Variants in ACSS3 observed in about 807,000 individuals in gnomAD.
ACSS3 encodes acyl-CoA synthetase short-chain family member 3, mitochondrial.
A neutral mutation model predicts 84.2 loss-of-function variants in ACSS3; 64 were observed. The ratio of observed to expected loss-of-function variants is 0.76; its 90% CI spans 0.62 to 0.94. The LOEUF (loss-of-function observed/expected upper bound fraction) is 0.94, where lower values mean the gene tolerates loss of function less well. Ranked by LOEUF, ACSS3 falls within the 40% of genes least tolerant of loss-of-function variation. The pLI is 0.00. For missense variants in ACSS3, 815 were observed against 867.6 expected (o/e 0.94, Z 0.76); for synonymous variants, 317 against 310.1 (o/e 1.02, Z -0.23).
intron 9 of ACSS3, among the ~76,000 whole-genome samples, chr12:81,211,778 C>T (rs985009215): frequency 6.6e-6 from 1 of 152,174 alleles, no homozygotes; most frequent in Non-Finnish European, 1.5e-5. Flanking sequence ...CAGAAGCCCT[C>T]ATTAGCTTAC....
chr12:81,149,735 T>C (rs1295036391), intron 5 of ACSS3, among the ~76,000 whole-genome samples: 1 of 152,208 alleles, frequency 6.6e-6, no homozygotes, highest in Non-Finnish European at 1.5e-5. Flanking sequence ...TCATTTTAAT[T>C]GTTTTAAATG....
At chr12:81,186,162 A>C (rs888214332) in intron 8 of ACSS3, among the ~76,000 whole-genome samples, 2 of 151,812 alleles carry the variant, frequency 1.3e-5, no homozygotes, top group African/African-American at 4.8e-5. Flanking sequence ...CCACATATAA[A>C]AGAAGGAAAT....
chr12:81,140,727 C>T (rs1201742646), intron 4 of ACSS3, among the ~76,000 whole-genome samples: 1 of 152,076 alleles, frequency 6.6e-6, no homozygotes, highest in Non-Finnish European at 1.5e-5. Flanking sequence ...AATGCAAAAT[C>T]AGTAATATAG....
intron 8 of ACSS3, among the ~76,000 whole-genome samples, chr12:81,178,144 A>T (rs2030633052): frequency 6.6e-6 from 1 of 151,656 alleles, no homozygotes; most frequent in South Asian, 2.1e-4. Flanking sequence ...ATAAAAAATG[A>T]TGAGTTCATG....
chr12:81,129,608 T>C (rs1233432126), intron 2 of ACSS3, among the ~76,000 whole-genome samples: 1 of 152,210 alleles, frequency 6.6e-6, no homozygotes, highest in Non-Finnish European at 1.5e-5. Flanking sequence ...TTTTGAGATC[T>C]TTGTTTCACA....
chr12:81,183,838 C>A (rs1463035998), intron 8 of ACSS3, among the ~76,000 whole-genome samples: 1 of 150,968 alleles, frequency 6.6e-6, no homozygotes, highest in Non-Finnish European at 1.5e-5. Flanking sequence ...GATAGCAATA[C>A]AATATGGTAC....
chr12:81,245,291 C>A (rs1272281008), intron 13 of ACSS3, among the ~76,000 whole-genome samples: 7 of 152,122 alleles, frequency 4.6e-5, no homozygotes, highest in Non-Finnish European at 7.4e-5. Flanking sequence ...GAAACCCCGT[C>A]TCTACTAAAA....
chr12:81,202,057 A>T (rs982265821), intron 9 of ACSS3, among the ~76,000 whole-genome samples: 27 of 152,202 alleles, frequency 1.8e-4, no homozygotes, highest in South Asian at 4.2e-4. Context: ...AGGTGGGCGG[A>T]TCACGAGGTC....
intron 2 of ACSS3, among the ~76,000 whole-genome samples, chr12:81,118,700 T>G (rs1884275865): frequency 6.6e-6 from 1 of 152,114 alleles, no homozygotes; most frequent in South Asian, 2.1e-4. Context: ...GAAATTGAAG[T>G]CTCATAGGTG....
intron 1 of ACSS3, among the ~76,000 whole-genome samples, chr12:81,079,992 A>G (rs1019536253): frequency 2.2e-4 from 33 of 152,196 alleles, no homozygotes; most frequent in African/African-American, 8.0e-4. Context: ...CCTCAGATGA[A>G]AGCACAGAGA....
intron 7 of ACSS3, among the ~76,000 whole-genome samples, chr12:81,172,532 A>T (rs995676226): frequency 6.6e-6 from 1 of 151,932 alleles, no homozygotes; most frequent in African/African-American, 2.4e-5. Context: ...GCTACTCGGG[A>T]GGCTGAGGCA....
chr12:81,155,808 G>A (rs1230420099), intron 7 of ACSS3, among the ~76,000 whole-genome samples: 3 of 152,038 alleles, frequency 2.0e-5, no homozygotes, highest in Non-Finnish European at 4.4e-5. Flanking sequence ...ACATATTTCA[G>A]GTTATCATTA....
At chr12:81,213,875 T>C (rs2032757832) in intron 9 of ACSS3, among the ~76,000 whole-genome samples, 2 of 93,504 alleles carry the variant, frequency 2.1e-5, no homozygotes, top group African/African-American at 3.4e-5. Context: ...TTTCTTTCTT[T>C]CTTTCTTTCC....
intron 13 of ACSS3, among the ~76,000 whole-genome samples, chr12:81,250,020 C>T (rs1368695982): frequency 6.6e-6 from 1 of 152,036 alleles, no homozygotes; most frequent in African/African-American, 2.4e-5. Flanking sequence ...CATTTATATA[C>T]TCAATTGTGG....
Position 81,220,032 on chromosome 12 carries a change from C to T in ACSS3, c.1470C>T (p.Asn490=). The change falls in exon 11 of 16, where the codon AAC becomes AAT. Residue 490 remains asparagine, a synonymous_variant. Transcript: ENST00000548058. Reference sequence around the variant, plus strand: ...TTGTAGTTATGATTTTGGATGACAACATGCAAAAACTGAAGGCTCGGTGTT... The same window carrying T: ...TTGTAGTTATGATTTTGGATGACAATATGCAAAAACTGAAGGCTCGGTGTT... The part of the protein sequence containing the change: ...PGYNVMILDD[N]MQKLKARCLG... 1 of 1,537,088 alleles carries T rather than the reference C, an allele frequency of 6.5e-7. No individual in the cohort carries two copies. Among genetic ancestry groups the T allele is most frequent in the African/African-American group, 1.4e-5 (1 of 71,918 alleles).
intron 8 of ACSS3, among the ~76,000 whole-genome samples, chr12:81,191,540 CAAAT>C (rs538241294): frequency 5.5e-4 from 84 of 152,198 alleles, no homozygotes; most frequent in Non-Finnish European, 9.7e-4. Flanking sequence ...ATTTAAAAAT[CAAAT>C]AAAACTCTCT....
At position 81,151,876 on chromosome 12, in the gene ACSS3, C is replaced by T; in HGVS notation, c.954C>T (p.Val318=). 6.2e-7 allele frequency: 1 copy of T among 1,613,804 alleles called. No homozygotes were observed. Among genetic ancestry groups the T allele is most frequent in the Non-Finnish European group, 8.5e-7 (1 of 1,179,826 alleles). Residue 318 remains valine, a synonymous_variant, in exon 6 of 16, where the codon GTC becomes GTT. Transcript: ENST00000548058. ...TTAGGCCCACTGGGGGATACGCTGT[C>T]ATGCTACACTGGTCAATGTCTTCCA... The part of the protein sequence containing the change: ...GVIRPTGGYA[V]MLHWSMSSIY...
intron 1 of ACSS3, among the ~76,000 whole-genome samples, chr12:81,099,957 G>A (rs546164810): frequency 6.6e-6 from 1 of 152,170 alleles, no homozygotes; most frequent in African/African-American, 2.4e-5. Flanking sequence ...ATCCACACAC[G>A]TTCACTGACT....
chr12:81,210,149 T>G (rs2032532092), intron 9 of ACSS3, among the ~76,000 whole-genome samples: 1 of 152,186 alleles, frequency 6.6e-6, no homozygotes, highest in Non-Finnish European at 1.5e-5. Context: ...CTATTCAAGA[T>G]GGAGTTGCTC....
Sources: allele counts gnomAD v4.1 joint callset (sites outside exome capture counted in the v4.1 genomes callset), GRCh38; gene constraint gnomAD v4.1.1; transcripts MANE v1.5; gene names NCBI Gene and HGNC (gene_info 2026-07-23, HGNC 2026-07-21).